Variants in NT5C2 observed in about 807,000 individuals in gnomAD.
NT5C2 encodes the protein cytosolic purine 5'-nucleotidase.
In NT5C2, 58 loss-of-function variants were observed where a neutral mutation model predicts 76.1. That is an observed-to-expected ratio of 0.76 (90% CI 0.62 to 0.95). The LOEUF is 0.95. Ranked by LOEUF, NT5C2 falls within the 40% of genes least tolerant of loss-of-function variation. The pLI is 0.00. For missense variants in NT5C2, 478 were observed against 690.3 expected (o/e 0.69, Z 3.45); for synonymous variants, 229 against 237.4 (o/e 0.96, Z 0.32).
intron 4 of NT5C2, among the ~76,000 whole-genome samples, chr10:103,122,815 T>C (rs974952401): frequency 1.3e-5 from 2 of 152,202 alleles, no homozygotes; most frequent in African/African-American, 4.8e-5. Flanking sequence ...CAGAGCTTAC[T>C]AAGTTCCTCC....
At chr10:103,129,555 C>T (rs1445314848) in intron 4 of NT5C2, among the ~76,000 whole-genome samples, 1 of 125,994 alleles carries the variant, frequency 7.9e-6, no homozygotes, top group Non-Finnish European at 1.8e-5. Context: ...CGGCCAGCCG[C>T]CCCGTCCGGG....
intron 4 of NT5C2, among the ~76,000 whole-genome samples, chr10:103,121,452 T>C (rs918029099): frequency 4.6e-5 from 7 of 152,142 alleles, no homozygotes; most frequent in Admixed American, 3.9e-4. Context: ...GACAGAAACA[T>C]GATGAGGGCC....
At position 103,146,067 on chromosome 10, in the gene NT5C2, ACTAT is replaced by A. The variant is rs1383034772; in HGVS notation, c.102-6592_102-6589del. The A allele has an allele frequency of 3.2e-5, 32 of 985,390 alleles. No homozygotes were observed. In the African/African-American group the frequency reaches 5.6e-4, roughly 17 times the overall value. 61.0% of individuals were successfully genotyped at this position (985,390 alleles called of 1,614,324 possible). On this transcript the variant is annotated intron_variant, in intron 3 of 18. Coordinates refer to ENST00000404739, the MANE Select transcript of NT5C2 (RefSeq NM_001351169.2). ...TGGTTGCCGTTTTGAAAAGTGTAAAACTATCTGAGTCAACTAGTTCTTGAAGTCA... is the reference window on the plus strand; with the variant it reads ...TGGTTGCCGTTTTGAAAAGTGTAAAACTGAGTCAACTAGTTCTTGAAGTCA...
At chr10:103,132,977 G>T (rs999731506) in intron 4 of NT5C2, among the ~76,000 whole-genome samples, 10 of 152,184 alleles carry the variant, frequency 6.6e-5, no homozygotes, top group Non-Finnish European at 1.5e-4. Context: ...AGACAAAAAG[G>T]AGTACATACT....
intron 2 of NT5C2, chr10:103,175,621 T>C (rs1230035604): frequency 9.4e-6 from 2 of 212,172 alleles, no homozygotes; most frequent in Admixed American, 4.6e-5. Context: ...GTGCTTCCCC[T>C]GCAAAGGCCA....
chr10:103,192,819 G>C (rs1415841419), intron 1 of NT5C2, among the ~76,000 whole-genome samples: 1 of 152,210 alleles, frequency 6.6e-6, no homozygotes, highest in Non-Finnish European at 1.5e-5. Context: ...GAATCAGCTG[G>C]AGGACGTCAG....
At chr10:103,146,317 T>G in intron 3 of NT5C2, 1 of 985,386 alleles carries the variant, frequency 1.0e-6, no homozygotes, top group Non-Finnish European at 1.2e-6. Context: ...TATCTGTAAC[T>G]CCTCCCCTTG....
chr10:103,119,264 G>A (rs2075127953), intron 4 of NT5C2, among the ~76,000 whole-genome samples: 1 of 152,136 alleles, frequency 6.6e-6, no homozygotes, highest in Admixed American at 6.5e-5. Context: ...AGCTACTCAG[G>A]AGGCTGAGGC....
intron 3 of NT5C2, among the ~76,000 whole-genome samples, chr10:103,148,327 G>A (rs537425889): frequency 1.3e-5 from 2 of 152,344 alleles, no homozygotes; most frequent in East Asian, 3.9e-4. Flanking sequence ...CAGTGGCTGG[G>A]TGCGGTGGCT....
At chr10:103,183,771 T>C (rs1269376379) in intron 1 of NT5C2, among the ~76,000 whole-genome samples, 1 of 151,960 alleles carries the variant, frequency 6.6e-6, no homozygotes, top group Non-Finnish European at 1.5e-5. Context: ...GCCAGACCAC[T>C]GCTATGCTAT....
At chr10:103,126,822 T>C (rs2076755105) in intron 4 of NT5C2, among the ~76,000 whole-genome samples, 2 of 152,162 alleles carry the variant, frequency 1.3e-5, no homozygotes. Flanking sequence ...TTTATTTTTA[T>C]TTTTTTGGAG....
Position 103,091,868 on chromosome 10 carries a change from T to G in NT5C2, c.1160-253A>C, listed in dbSNP as rs987151588. On this transcript the variant is annotated intron_variant, in intron 15 of 18. Transcript: ENST00000404739. ...CCTGCTTAAACACCATGATGACAAC[T>G]TTCCCTTCCAGCTGCACGCTCATTC... 2.6e-5 allele frequency among the ~76,000 whole-genome samples: 4 copies of G among 152,288 alleles called. No individual in the cohort carries two copies. In the East Asian group the frequency reaches 5.8e-4, roughly 22 times the overall value.
At chr10:103,122,876 A>G (rs1484324468) in intron 4 of NT5C2, among the ~76,000 whole-genome samples, 1 of 152,156 alleles carries the variant, frequency 6.6e-6, no homozygotes, top group African/African-American at 2.4e-5. Flanking sequence ...ATACTTCTCT[A>G]CAACTATCCA....
At chr10:103,098,202 T>A (rs2068672134) in intron 10 of NT5C2, 3 of 398,308 alleles carry the variant, frequency 7.5e-6, no homozygotes, top group Non-Finnish European at 1.4e-5. Context: ...TCCCATATAT[T>A]CTTCCTCCAG....
intron 2 of NT5C2, chr10:103,175,596 C>T: frequency 4.7e-6 from 1 of 212,530 alleles, no homozygotes; most frequent in East Asian, 1.1e-4. Context: ...GACGTGACCA[C>T]CAAGGTTGCG....
At position 103,093,271 on chromosome 10, in the gene NT5C2, C is replaced by T; in HGVS notation, c.1027G>A (p.Gly343Arg). The change falls in exon 15 of 19, where the codon GGA becomes AGA. Residue 343 changes from glycine to arginine, a missense_variant. Coordinates refer to ENST00000404739, the MANE Select transcript of NT5C2 (RefSeq NM_001351169.2). ...DTICDLLGAK[G>R]KDILYIGDHI... is the part of the protein sequence containing the mutation. ...TCTCCAATATACAAAATGTCTTTTC[C>T]CTTGGCTCCCAACAGGTCACAGATC... 1 of 1,608,144 alleles carries T rather than the reference C, an allele frequency of 6.2e-7. No individual in the cohort carries two copies. Among genetic ancestry groups the T allele is most frequent in the Non-Finnish European group, 8.5e-7 (1 of 1,177,374 alleles).
intron 3 of NT5C2, among the ~76,000 whole-genome samples, chr10:103,170,526 C>CTT (rs71019664): frequency 8.0e-4 from 94 of 117,762 alleles, no homozygotes; most frequent in Non-Finnish European, 1.3e-3. Context: ...CACATGCACA[C>CTT]TTTTTTTTTT....
intron 3 of NT5C2, among the ~76,000 whole-genome samples, chr10:103,162,225 AG>A (rs2085096756): frequency 6.6e-6 from 1 of 152,094 alleles, no homozygotes; most frequent in African/African-American, 2.4e-5. Flanking sequence ...CATGTTGGCC[AG>A]GATGGTCTCG....
At chr10:103,177,269 G>C (rs1038807368) in intron 2 of NT5C2, among the ~76,000 whole-genome samples, 1 of 152,152 alleles carries the variant, frequency 6.6e-6, no homozygotes, top group African/African-American at 2.4e-5. Context: ...ATTAGGATAA[G>C]CATCTAAAAT....
Sources: gnomAD v4.1 joint callset for allele counts (sites outside exome capture counted in the v4.1 genomes callset) on GRCh38, gnomAD v4.1.1 for gene constraint, MANE v1.5 for transcripts, NCBI Gene and HGNC (gene_info 2026-07-23, HGNC 2026-07-21) for gene names.